Variants in CMIP observed in about 807,000 individuals in gnomAD.
CMIP encodes C-Maf-inducing protein.
CMIP carries 13 observed loss-of-function variants against 97.3 expected under a neutral mutation model. That is an observed-to-expected ratio of 0.13 (90% CI 0.09 to 0.21). CMIP has a LOEUF of 0.21. CMIP is among the 10% of genes least tolerant of loss of function. The probability of loss-of-function intolerance (pLI) is 1.00; values close to 1 mark genes in which losing one functional copy is unlikely to be tolerated. For missense variants in CMIP, 847 were observed against 1,024.9 expected (o/e 0.83, Z 2.37); for synonymous variants, 538 against 436.3 (o/e 1.23, Z -2.91).
At chr16:81,517,372 A>C (rs2089937292) in intron 1 of CMIP, among the ~76,000 whole-genome samples, 1 of 152,272 alleles carries the variant, frequency 6.6e-6, no homozygotes, top group Non-Finnish European at 1.5e-5. Flanking sequence ...GCAATGAAAA[A>C]GAATGAAGTG....
intron 1 of CMIP, among the ~76,000 whole-genome samples, chr16:81,509,508 T>G (rs2089771774): frequency 6.6e-6 from 1 of 152,210 alleles, no homozygotes; most frequent in African/African-American, 2.4e-5. Flanking sequence ...TTTTTAGCTC[T>G]AAAAATGGGA....
intron 3 of CMIP, among the ~76,000 whole-genome samples, chr16:81,629,589 T>G (rs1054777067): frequency 6.6e-6 from 1 of 152,202 alleles, no homozygotes; most frequent in Non-Finnish European, 1.5e-5. Flanking sequence ...TACGATCACT[T>G]CAAGGTCAGC....
chr16:81,690,363 T>G (rs1905917225), intron 10 of CMIP, among the ~76,000 whole-genome samples: 1 of 152,234 alleles, frequency 6.6e-6, no homozygotes, highest in African/African-American at 2.4e-5. Flanking sequence ...CTTGAAGAGG[T>G]CCTTCACTTC....
At chr16:81,568,039 G>GTGTT (rs10629229) in intron 1 of CMIP, among the ~76,000 whole-genome samples, 13 of 82,540 alleles carry the variant, frequency 1.6e-4, no homozygotes, top group South Asian at 5.9e-4. Context: ...GTGTGTGTGT[G>GTGTT]TTTTTTTTTT....
chr16:81,583,617 G>A (rs1351691486), intron 1 of CMIP, among the ~76,000 whole-genome samples: 1 of 152,218 alleles, frequency 6.6e-6, no homozygotes, highest in African/African-American at 2.4e-5. Context: ...CTGTCTCACT[G>A]TGTTTCCTCT....
rs559930525 is a variant in CMIP at position 81,551,386 on chromosome 16, G to C, written c.301-56181G>C. On this transcript the variant is annotated intron_variant, in intron 1 of 20. Transcript: ENST00000537098. ...CTAGCTAATTAGCAAGTGACAAATG[G>C]GACAATAAAGCTGAAAATATCCATT... is the stretch of plus-strand genomic sequence containing the variant. Among the ~76,000 whole-genome samples, 6 of 152,344 alleles carry C rather than the reference G, an allele frequency of 3.9e-5. No homozygotes were observed. The South Asian group carries it at 6.2e-4, about 16-fold the overall frequency.
chr16:81,548,044 A>G (rs147247701), intron 1 of CMIP, among the ~76,000 whole-genome samples: 7 of 151,820 alleles, frequency 4.6e-5, no homozygotes, highest in African/African-American at 1.7e-4. Flanking sequence ...GCTGGCATTT[A>G]TCTAGGGCTT....
chr16:81,546,214 C>G lies in CMIP; in HGVS notation c.301-61353C>G, dbSNP rs150107788. ...GGCAGCCCAGGGAAATGAGGAATCC[C>G]GATCCTTCTCTCTGAGTCAAGAGAA... On this transcript the variant is annotated intron_variant, in intron 1 of 20. Coordinates refer to ENST00000537098, the MANE Select transcript of CMIP (RefSeq NM_198390.3). 4.6e-5 allele frequency among the ~76,000 whole-genome samples: 7 copies of G among 152,258 alleles called. No individual in the cohort carries two copies. The East Asian group carries it at 1.4e-3, about 29-fold the overall frequency.
intron 1 of CMIP, among the ~76,000 whole-genome samples, chr16:81,448,140 C>T (rs886214753): frequency 2.6e-5 from 4 of 152,200 alleles, no homozygotes; most frequent in African/African-American, 9.7e-5. Flanking sequence ...TCCCGATATT[C>T]CAAGTATGTT....
At chr16:81,646,737 T>C (rs1272067664) in intron 3 of CMIP, among the ~76,000 whole-genome samples, 1 of 152,260 alleles carries the variant, frequency 6.6e-6, no homozygotes, top group African/African-American at 2.4e-5. Flanking sequence ...CACTATGTCT[T>C]TCTTATCTGG....
intron 17 of CMIP, among the ~76,000 whole-genome samples, chr16:81,703,049 T>C (rs1260044248): frequency 6.6e-6 from 1 of 152,182 alleles, no homozygotes; most frequent in Non-Finnish European, 1.5e-5. Flanking sequence ...ACAAGGTCTT[T>C]AAGGGTCTTA....
At position 81,621,725 on chromosome 16, in the gene CMIP, C is replaced by T. The variant is rs1304264024; in HGVS notation, c.477+799C>T. ...GTCATCCTTACAGTAAGCTGGGGAG[C>T]CACAGGGGATGAACAGCTGGCCCCA... On this transcript the variant is annotated intron_variant, in intron 3 of 20. Coordinates refer to ENST00000537098, the MANE Select transcript of CMIP (RefSeq NM_198390.3). This position sits in a 1 kb window ranked among gnomAD's most constrained non-coding sequence, Gnocchi z 4.1. The T allele has an allele frequency of 6.6e-6, 1 of 152,646 alleles. No homozygotes were observed. The highest frequency in any genetic ancestry group is 1.5e-5 in the Non-Finnish European group (1 of 68,066). The allele number at this position is 152,646 out of a possible 1,614,324, so 9.5% of individuals were successfully genotyped here.
intron 1 of CMIP, among the ~76,000 whole-genome samples, chr16:81,500,256 G>GTCCTTCCTTCCTTCCT: frequency 1.8e-5 from 2 of 109,682 alleles, no homozygotes; most frequent in East Asian, 3.9e-4. Context: ...CCTTCCTTCC[G>GTCCTTCCTTCCTTCCT]TCCTTCCTTC....
intron 1 of CMIP, among the ~76,000 whole-genome samples, chr16:81,515,701 G>T (rs989928729): frequency 3.9e-5 from 6 of 152,360 alleles, no homozygotes; most frequent in African/African-American, 1.4e-4. Flanking sequence ...AGCTGTGCCA[G>T]TCTGGGCCTG....
At chr16:81,454,313 A>G (rs560867589) in intron 1 of CMIP, among the ~76,000 whole-genome samples, 4 of 152,308 alleles carry the variant, frequency 2.6e-5, no homozygotes, top group African/African-American at 9.6e-5. Flanking sequence ...AGTCTCAGAT[A>G]AAGAGAGCTG....
intron 1 of CMIP, among the ~76,000 whole-genome samples, chr16:81,461,934 C>T (rs118187590): frequency 3.9e-5 from 6 of 152,170 alleles, no homozygotes; most frequent in South Asian, 2.1e-4. Context: ...TTGCGTGTTG[C>T]GGTGAGCTGC....
intron 10 of CMIP, among the ~76,000 whole-genome samples, chr16:81,682,647 G>A (rs1001113611): frequency 3.9e-5 from 6 of 152,218 alleles, no homozygotes; most frequent in African/African-American, 7.2e-5. Flanking sequence ...AGGAAGGCAC[G>A]CTTAGAGCGA....
At chr16:81,605,436 C>T (rs948448263) in intron 1 of CMIP, among the ~76,000 whole-genome samples, 2 of 152,192 alleles carry the variant, frequency 1.3e-5, no homozygotes, top group Non-Finnish European at 2.9e-5. Context: ...AGGCTGTCCC[C>T]CTGCCACCAC....
intron 1 of CMIP, among the ~76,000 whole-genome samples, chr16:81,571,872 T>C (rs1018270220): frequency 6.6e-6 from 1 of 152,212 alleles, no homozygotes; most frequent in African/African-American, 2.4e-5. Flanking sequence ...CAAGGGTGGA[T>C]CTGTGCTTAA....
Sources: allele counts gnomAD v4.1 joint callset (sites outside exome capture counted in the v4.1 genomes callset), GRCh38; gene constraint gnomAD v4.1.1; non-coding constraint Gnocchi (gnomAD v3.1); transcripts MANE v1.5; gene names NCBI Gene and HGNC (gene_info 2026-07-23, HGNC 2026-07-21).